Variants in COL4A1 observed in about 807,000 individuals in gnomAD.
COL4A1 encodes collagen alpha-1(IV) chain.
A neutral mutation model predicts 216.6 loss-of-function variants in COL4A1; 40 were observed. The ratio of observed to expected loss-of-function variants is 0.18; its 90% CI spans 0.14 to 0.24. COL4A1 has a LOEUF of 0.24. Ranked by LOEUF, COL4A1 falls within the 10% of genes least tolerant of loss-of-function variation. COL4A1 has a pLI of 1.00. For synonymous variants in COL4A1, 839 were observed against 810.7 expected (o/e 1.03, Z -0.59); for missense variants, 1,628 against 2,196.8 (o/e 0.74, Z 5.18).
Position 110,176,303 on chromosome 13 carries a change from G to A in COL4A1, c.3058+121C>T, listed in dbSNP as rs1207914582. The A allele has an allele frequency of 8.0e-6, 6 of 752,600 alleles. No homozygotes were observed. In the African/African-American group the frequency reaches 8.6e-5, roughly 11 times the overall value. 46.6% of individuals were successfully genotyped at this position (752,600 alleles called of 1,614,324 possible). A position where few individuals can be genotyped will look rare whatever the true frequency, so the allele number is the denominator to read the frequency against. On this transcript the variant is annotated intron_variant, in intron 36 of 51. Transcript: ENST00000375820. Reference sequence around the variant, plus strand: ...TTCAGAGCTGGGGATGTGAATTCATGTGAAAGACACACGTGCCTGGATTCT... The same window carrying A: ...TTCAGAGCTGGGGATGTGAATTCATATGAAAGACACACGTGCCTGGATTCT...
intron 17 of COL4A1, among the ~76,000 whole-genome samples, chr13:110,204,110 T>C (rs1179446330): frequency 6.6e-6 from 1 of 152,236 alleles, no homozygotes; most frequent in Non-Finnish European, 1.5e-5. Flanking sequence ...CATTAGTGGA[T>C]AAATTCTGAT....
Position 110,175,262 on chromosome 13 carries a change from C to G in COL4A1, c.3154G>C (p.Ala1052Pro), listed in dbSNP as rs761943629. ...DKGAKGEKGQ[A>P]GPPGIGIPGL... Reference sequence around the variant, plus strand: ...GGGATGCCTATGCCAGGTGGGCCTGCCTGCCCTTTCTCTCCTTTTGCACCT... The same window carrying G: ...GGGATGCCTATGCCAGGTGGGCCTGGCTGCCCTTTCTCTCCTTTTGCACCT... The change falls in exon 37 of 52, where the codon GCA becomes CCA. Residue 1052 changes from alanine to proline, a missense_variant. Physicochemically the swap from Ala to Pro is conservative, Grantham distance 27 (BLOSUM62 -1). Transcript: ENST00000375820. The G allele has an allele frequency of 1.2e-6, 2 of 1,614,226 alleles. No individual in the cohort carries two copies. Among genetic ancestry groups the G allele is most frequent in the Non-Finnish European group, 8.5e-7 (1 of 1,180,024 alleles).
rs745925102 is a variant in COL4A1, at chr13:110,173,925, C to T, written c.3480G>A (p.Gly1160=). ...CTGGTTCACCCTTCTCTCCTGCTGA[C>T]CCCGGGATTCCATCACTGCCTGGCT... is the stretch of plus-strand genomic sequence containing the variant. The part of the protein sequence containing the change: ...KGEPGSDGIP[G]SAGEKGEPGL... The change falls in exon 40 of 52, where the codon GGG becomes GGA. Residue 1160 remains glycine (G), a synonymous_variant. Coordinates refer to ENST00000375820, the MANE Select transcript of COL4A1 (RefSeq NM_001845.6). 6.8e-6 allele frequency: 11 copies of T among 1,614,184 alleles called. No homozygotes were observed. Among genetic ancestry groups the T allele is most frequent in the Non-Finnish European group, 9.3e-6 (11 of 1,180,028 alleles).
chr13:110,252,675 A>AATT (rs1304507399), intron 1 of COL4A1, among the ~76,000 whole-genome samples: 2 of 140,238 alleles, frequency 1.4e-5, no homozygotes, highest in African/African-American at 2.6e-5. Flanking sequence ...ATATACATAT[A>AATT]ATATGTATAT....
intron 1 of COL4A1, among the ~76,000 whole-genome samples, chr13:110,250,314 C>G (rs1290923298): frequency 6.6e-6 from 1 of 152,038 alleles, no homozygotes; most frequent in Non-Finnish European, 1.5e-5. Flanking sequence ...GGTACATGCT[C>G]TATTCTGCTT....
Position 110,179,424 on chromosome 13 carries a change from G to GA in COL4A1, c.2194-4dup. 1 of 1,614,114 alleles carries GA rather than the reference G, an allele frequency of 6.2e-7. No individual in the cohort carries two copies. The highest frequency in any genetic ancestry group is 1.6e-4 in the Middle Eastern group (1 of 6,062). Reference sequence around the variant, plus strand: ...GGTAGACCAACTCCAGGCTCTCCCTGAAAATCCCCAAAGCACAGAGAAGCA... The same window carrying GA: ...GGTAGACCAACTCCAGGCTCTCCCTGAAAAATCCCCAAAGCACAGAGAAGCA... On this transcript the variant is annotated splice_polypyrimidine_tract_variant and splice_region_variant and intron_variant, in intron 29 of 51. Coordinates refer to ENST00000375820, the MANE Select transcript of COL4A1 (RefSeq NM_001845.6).
At chr13:110,222,539 C>G (rs893622887) in intron 2 of COL4A1, among the ~76,000 whole-genome samples, 1 of 136,496 alleles carries the variant, frequency 7.3e-6, no homozygotes, top group African/African-American at 2.5e-5. Context: ...TTTGGGAGGC[C>G]GAGGCGGGTG....
At chr13:110,283,579 C>T (rs962789323) in intron 1 of COL4A1, among the ~76,000 whole-genome samples, 1 of 152,226 alleles carries the variant, frequency 6.6e-6, no homozygotes, top group African/African-American at 2.4e-5. Context: ...TATGCAGACA[C>T]ATGCATACAC....
chr13:110,155,234 C>A, intron 50 of COL4A1, 49 bp downstream of exon 50: 2 of 1,383,258 alleles, frequency 1.4e-6, no homozygotes, highest in Non-Finnish European at 2.1e-6. Context: ...GACTATGGGG[C>A]GTGAGTGGGG....
chr13:110,201,609 A>G (rs181437930), intron 18 of COL4A1, 87 bp from the exon 19 acceptor site: 45 of 1,147,716 alleles, frequency 3.9e-5, no homozygotes, highest in Non-Finnish European at 5.4e-5. Context: ...AGAAATGTAC[A>G]TATTTGTTTT....
intron 1 of COL4A1, among the ~76,000 whole-genome samples, chr13:110,281,252 C>G (rs1484444614): frequency 6.6e-6 from 1 of 152,176 alleles, no homozygotes; most frequent in Non-Finnish European, 1.5e-5. Flanking sequence ...AACCTCCCCC[C>G]GCCATCTCCT....
rs766813036 is a variant in COL4A1, at chr13:110,155,445, G to A, written c.4641-48C>T. 2.9e-5 allele frequency: 40 copies of A among 1,364,848 alleles called. No homozygotes were observed. The African/African-American group carries it at 4.6e-4, about 16-fold the overall frequency. The allele number at this position is 1,364,848 out of a possible 1,614,324, so 84.5% of individuals were successfully genotyped here. A position where few individuals can be genotyped will look rare whatever the true frequency, so the allele number is the denominator to read the frequency against. ...CAGCACAGCCGGGGTGCAGGGCAGAGGCCGCCCTCCATGCACTGCCCCGTT... is the reference window on the plus strand; with the variant it reads ...CAGCACAGCCGGGGTGCAGGGCAGAAGCCGCCCTCCATGCACTGCCCCGTT... On this transcript the variant is annotated intron_variant, in intron 49 of 51. Coordinates refer to ENST00000375820, the MANE Select transcript of COL4A1 (RefSeq NM_001845.6).
intron 9 of COL4A1, 26 bp downstream of exon 9, chr13:110,210,103 T>C: frequency 6.2e-7 from 1 of 1,613,978 alleles, no homozygotes; most frequent in Non-Finnish European, 8.5e-7. Flanking sequence ...GTGGCACATG[T>C]TCATAATGAT....
In COL4A1 at chr13:110,303,475, C is replaced by G. The variant is rs1333193580; in HGVS notation, c.84+3469G>C. Among the ~76,000 whole-genome samples, 6 of 152,306 alleles carry G rather than the reference C, an allele frequency of 3.9e-5. No individual in the cohort carries two copies. In the East Asian group the frequency reaches 9.6e-4, roughly 24 times the overall value. ...CACAGAAACAATGACATTTTGGTAT[C>G]TCAAAGGAGCAAACTTGAAGGTCAT... is the stretch of plus-strand genomic sequence containing the variant. On this transcript the variant is annotated intron_variant, in intron 1 of 51. Coordinates refer to ENST00000375820, the MANE Select transcript of COL4A1 (RefSeq NM_001845.6).
At position 110,286,694 on chromosome 13, in the gene COL4A1, C is replaced by T. The variant is rs79514338; in HGVS notation, c.84+20250G>A. Reference sequence around the variant, plus strand: ...TGTATTCCCAGATCCCAAAGGTGAACAAACCATGAGCCCCGGCTCTGCAGC... The same window carrying T: ...TGTATTCCCAGATCCCAAAGGTGAATAAACCATGAGCCCCGGCTCTGCAGC... On this transcript the variant is annotated intron_variant, in intron 1 of 51. Transcript: ENST00000375820. Among the ~76,000 whole-genome samples the T allele has an allele frequency of 6.6e-3, 1,005 of 152,262 alleles. 13 individuals are homozygous for T. Among genetic ancestry groups the T allele is most frequent in the African/African-American group, 0.022 (924 of 41,566 alleles).
chr13:110,184,176 C>G (rs1878302165), intron 26 of COL4A1, among the ~76,000 whole-genome samples: 1 of 152,148 alleles, frequency 6.6e-6, no homozygotes, highest in African/African-American at 2.4e-5. Flanking sequence ...TCTGGATGGC[C>G]AAGGAGCCCT....
chr13:110,192,464 G>A (rs565039644), intron 23 of COL4A1, among the ~76,000 whole-genome samples, 180 bp from the exon 24 acceptor site: 1 of 152,192 alleles, frequency 6.6e-6, no homozygotes, highest in South Asian at 2.1e-4. Context: ...TAGGTGACCC[G>A]ACGCACATGT....
chr13:110,155,340 C>G lies in COL4A1; in HGVS notation c.4698G>C (p.Gln1566His). ...ACCACCCGCTGGGGCACGGTGGGAT[C>G]TGAATGGTCTGGCTGTGCACGGCCA... ...MVMAVHSQTI[Q>H]IPPCPSGWSS... is the part of the protein sequence containing the mutation. Residue 1566 changes from glutamine to histidine, a missense_variant, in exon 50 of 52, where the codon CAG becomes CAC. Physicochemically the swap from Gln to His is conservative, Grantham distance 24 (BLOSUM62 0). Transcript: ENST00000375820. The G allele has an allele frequency of 6.2e-7, 1 of 1,614,218 alleles. No individual in the cohort carries two copies. The highest frequency in any genetic ancestry group is 8.5e-7 in the Non-Finnish European group (1 of 1,180,034).
In COL4A1 at chr13:110,192,502, A is replaced by G. The variant is rs560724545; in HGVS notation, c.1466-218T>C. Among the ~76,000 whole-genome samples the G allele has an allele frequency of 2.4e-4, 36 of 152,208 alleles. 1 individual carries two copies. The highest frequency in any genetic ancestry group is 8.4e-4 in the African/African-American group (35 of 41,534). ...ACCCGGAAGCAGGAATGCTTCCAGC[A>G]CCCCACACCTGCCCCCCTGCCCACA... On this transcript the variant is annotated intron_variant, in intron 23 of 51. Transcript: ENST00000375820.
Sources: gnomAD v4.1 joint callset for allele counts (sites outside exome capture counted in the v4.1 genomes callset) on GRCh38, gnomAD v4.1.1 for gene constraint, MANE v1.5 for transcripts, NCBI Gene and HGNC (gene_info 2026-07-23, HGNC 2026-07-21) for gene names.